The following DPP6 variants were observed in gnomAD, a reference collection of about 807,000 sequenced individuals.
DPP6 encodes A-type potassium channel modulatory protein DPP6.
A neutral mutation model predicts 122.6 loss-of-function variants in DPP6; 69 were observed. That is an observed-to-expected ratio of 0.56 (90% CI 0.46 to 0.69). DPP6 has a LOEUF of 0.69. Ranked by LOEUF, DPP6 falls within the 30% of genes least tolerant of loss-of-function variation. DPP6 has a pLI of 0.00. For synonymous variants in DPP6, 418 were observed against 433.1 expected (o/e 0.97, Z 0.43); for missense variants, 928 against 1,116.9 (o/e 0.83, Z 2.41).
chr7:154,782,337 A>G (rs1409278793), intron 10 of DPP6, among the ~76,000 whole-genome samples: 8 of 152,028 alleles, frequency 5.3e-5, no homozygotes, highest in East Asian at 1.9e-4. Context: ...ATGACCATCT[A>G]TTTTCTGTGA....
chr7:154,847,211 C>T (rs184790480), intron 16 of DPP6, among the ~76,000 whole-genome samples: 1 of 152,160 alleles, frequency 6.6e-6, no homozygotes, highest in African/African-American at 2.4e-5. Context: ...CGGCTTCACC[C>T]TCTTGTAGTG....
chr7:154,248,204 A>G (rs1422140121), intron 1 of DPP6, among the ~76,000 whole-genome samples: 1 of 152,046 alleles, frequency 6.6e-6, no homozygotes, highest in Non-Finnish European at 1.5e-5. Context: ...ACCTCCAAAT[A>G]CCATCACAAT....
chr7:154,552,476 A>G (rs1829708728), intron 4 of DPP6, among the ~76,000 whole-genome samples: 1 of 152,198 alleles, frequency 6.6e-6, no homozygotes, highest in African/African-American at 2.4e-5. Context: ...TGATTTCAGG[A>G]AGAACTCATC....
At chr7:154,415,836 A>G (rs999177062) in intron 1 of DPP6, among the ~76,000 whole-genome samples, 2 of 151,392 alleles carry the variant, frequency 1.3e-5, no homozygotes, top group African/African-American at 4.9e-5. Context: ...GAGGCATCCA[A>G]AAATGACAGG....
chr7:154,330,415 A>G lies in DPP6; in HGVS notation c.244-115799A>G, dbSNP rs540206075. ...CAGGGATGAGGAGAGACAGGTAAAC[A>G]ATTGTCACACTGGAGTGTGGCCAGT... On this transcript the variant is annotated intron_variant, in intron 1 of 25. Transcript: ENST00000377770. Among the ~76,000 whole-genome samples the G allele has an allele frequency of 2.2e-3, 330 of 152,268 alleles. 2 individuals are homozygous for G. Among genetic ancestry groups the G allele is most frequent in the African/African-American group, 7.1e-3 (294 of 41,544 alleles).
At chr7:154,826,441 C>G (rs1293310157) in intron 16 of DPP6, among the ~76,000 whole-genome samples, 2 of 152,146 alleles carry the variant, frequency 1.3e-5, no homozygotes, top group Non-Finnish European at 2.9e-5. Flanking sequence ...CCAACTGTCT[C>G]CTAGCTGAAT....
At chr7:154,205,913 GC>G (rs1305769864) in intron 1 of DPP6, among the ~76,000 whole-genome samples, 1 of 152,184 alleles carries the variant, frequency 6.6e-6, no homozygotes, top group Admixed American at 6.5e-5. Context: ...GCCTGTGTGT[GC>G]AGGAGCAGGC....
At chr7:153,780,778 T>C in the DPP6 span, among the ~76,000 whole-genome samples, 1 of 152,122 alleles carries the variant, frequency 6.6e-6, no homozygotes, top group East Asian at 1.9e-4. Context: ...AATGTTACAG[T>C]GGCCAGAACG....
rs1586453551 is a variant in DPP6 at position 154,496,321 on chromosome 7, A to G, written c.457+21284A>G. Among the ~76,000 whole-genome samples, 3 of 152,366 alleles carry G rather than the reference A, an allele frequency of 2.0e-5. No individual in the cohort carries two copies. In the South Asian group the frequency reaches 6.2e-4, roughly 32 times the overall value. On this transcript the variant is annotated intron_variant, in intron 3 of 25. Coordinates refer to ENST00000377770, the MANE Select transcript of DPP6 (RefSeq NM_130797.4). Reference sequence around the variant, plus strand: ...AGGAATGAGTTAATTTTTGAAAAGCAGAGTGAAGATGTTATGACATAAAAG... The same window carrying G: ...AGGAATGAGTTAATTTTTGAAAAGCGGAGTGAAGATGTTATGACATAAAAG...
chr7:154,204,424 C>G (rs941453312), intron 1 of DPP6, among the ~76,000 whole-genome samples: 1 of 152,164 alleles, frequency 6.6e-6, no homozygotes, highest in African/African-American at 2.4e-5. Context: ...CAGCTTATAG[C>G]ATAGAATGAG....
the DPP6 span, among the ~76,000 whole-genome samples, chr7:153,831,143 CTAATT>C: frequency 1.3e-4 from 20 of 152,254 alleles, no homozygotes; most frequent in Non-Finnish European, 1.9e-4. Context: ...TAATATGTGA[CTAATT>C]TAATGTACTC....
the DPP6 span, among the ~76,000 whole-genome samples, chr7:153,856,031 G>A: frequency 1.3e-5 from 2 of 152,070 alleles, no homozygotes; most frequent in African/African-American, 4.8e-5. Flanking sequence ...TTCTGTACTG[G>A]GCAAGCACCA....
At chr7:153,797,334 A>G in the DPP6 span, among the ~76,000 whole-genome samples, 1 of 152,278 alleles carries the variant, frequency 6.6e-6, no homozygotes, top group East Asian at 1.9e-4. Context: ...AGAAGAGGAG[A>G]AGAAGAAAAC....
intron 1 of DPP6, among the ~76,000 whole-genome samples, chr7:154,338,281 T>A (rs1380717496): frequency 1.3e-5 from 2 of 152,124 alleles, no homozygotes; most frequent in East Asian, 3.9e-4. Flanking sequence ...TCTGATACAG[T>A]ATCTGAAAGG....
intron 7 of DPP6, among the ~76,000 whole-genome samples, chr7:154,694,053 T>G (rs1586903460): frequency 6.6e-6 from 1 of 152,154 alleles, no homozygotes; most frequent in East Asian, 1.9e-4. Flanking sequence ...GAAGTCAAGG[T>G]TAACTTGCTA....
Position 153,954,659 on chromosome 7 carries a change from G to A in DPP6, c.51+66925G>A, listed in dbSNP as rs983395874. Among the ~76,000 whole-genome samples the A allele has an allele frequency of 5.3e-5, 8 of 152,292 alleles. No individual in the cohort carries two copies. The East Asian group carries it at 1.4e-3, about 26-fold the overall frequency. On this transcript the variant is annotated intron_variant, in intron 1 of 25. Transcript: ENST00000404039. Reference sequence around the variant, plus strand: ...AAGCAGGTTACCCTCCATCATGTGGGTGGGCCTCATCCAATCAGTTGAAGG... The same window carrying A: ...AAGCAGGTTACCCTCCATCATGTGGATGGGCCTCATCCAATCAGTTGAAGG...
chr7:153,859,664 C>T, the DPP6 span, among the ~76,000 whole-genome samples: 1 of 152,120 alleles, frequency 6.6e-6, no homozygotes, highest in Non-Finnish European at 1.5e-5. Flanking sequence ...TTATTCCGTT[C>T]CTACGCTGCT....
chr7:154,583,018 T>C (rs528077331), intron 5 of DPP6, among the ~76,000 whole-genome samples: 1 of 152,218 alleles, frequency 6.6e-6, no homozygotes, highest in African/African-American at 2.4e-5. Flanking sequence ...TATTCCTCTC[T>C]GCAAACACCT....
intron 1 of DPP6, among the ~76,000 whole-genome samples, chr7:154,293,877 T>C (rs1805363789): frequency 6.6e-6 from 1 of 152,194 alleles, no homozygotes; most frequent in African/African-American, 2.4e-5. Flanking sequence ...CTCTCCCTGA[T>C]ACACACATTA....
Sources: allele counts gnomAD v4.1 joint callset (sites outside exome capture counted in the v4.1 genomes callset), GRCh38; gene constraint gnomAD v4.1.1; transcripts MANE v1.5; gene names NCBI Gene and HGNC (gene_info 2026-07-23, HGNC 2026-07-21).